CPSF6: variants seen among roughly 807,000 people sequenced by gnomAD.
The protein encoded by CPSF6 is cleavage and polyadenylation specificity factor subunit 6.
CPSF6 carries 10 observed loss-of-function variants against 56.7 expected under a neutral mutation model. That is an observed-to-expected ratio of 0.18 (90% CI 0.11 to 0.30). The LOEUF is 0.30. CPSF6 is among the 10% of genes least tolerant of loss of function. The probability of loss-of-function intolerance (pLI) is 1.00; values close to 1 mark genes in which losing one functional copy is unlikely to be tolerated. For synonymous variants in CPSF6, 248 were observed against 244.8 expected (o/e 1.01, Z -0.12); for missense variants, 419 against 722.9 (o/e 0.58, Z 4.82).
intron 2 of CPSF6, 29 bp downstream of exon 2, chr12:69,251,367 T>C: frequency 1.5e-6 from 2 of 1,359,002 alleles, no homozygotes; most frequent in Non-Finnish European, 2.1e-6. Flanking sequence ...AGAATTAAAT[T>C]ATTGGTAATT....
At chr12:69,268,929 G>A (rs1171883436) in intron 9 of CPSF6, among the ~76,000 whole-genome samples, 1 of 151,694 alleles carries the variant, frequency 6.6e-6, no homozygotes, top group African/African-American at 2.4e-5. Context: ...AGATTTGTAC[G>A]TGGATGTCAT....
intron 3 of CPSF6, chr12:69,254,860 A>T (rs182159618): frequency 6.6e-6 from 1 of 152,336 alleles, no homozygotes; most frequent in East Asian, 1.9e-4. Context: ...ACGAATTGGT[A>T]ATCATTCTGA....
intron 1 of CPSF6, among the ~76,000 whole-genome samples, chr12:69,244,163 A>C (rs1871768160): frequency 6.6e-6 from 1 of 152,214 alleles, no homozygotes; most frequent in South Asian, 2.1e-4. Context: ...ATAACAGTTT[A>C]AAATACAAAC....
intron 8 of CPSF6, among the ~76,000 whole-genome samples, chr12:69,261,137 C>G (rs1034370498): frequency 2.6e-5 from 4 of 152,070 alleles, no homozygotes; most frequent in Non-Finnish European, 5.9e-5. Context: ...TTAGTGTACT[C>G]TATCTGGTAG....
At chr12:69,241,937 AAAG>A (rs1290097821) in intron 1 of CPSF6, among the ~76,000 whole-genome samples, 2 of 152,126 alleles carry the variant, frequency 1.3e-5, no homozygotes, top group Non-Finnish European at 2.9e-5. Flanking sequence ...AAAAAAAAAA[AAAG>A]GTCACAAAAG....
chr12:69,253,195 G>C (rs1435360593), intron 3 of CPSF6, 41 bp downstream of exon 3: 1 of 1,034,652 alleles, frequency 9.7e-7, no homozygotes. Flanking sequence ...AGTAGCTAGT[G>C]ATACAGTTTT....
intron 3 of CPSF6, 120 bp downstream of exon 3, chr12:69,253,274 A>G (rs2120519850): frequency 2.0e-6 from 1 of 492,718 alleles, no homozygotes. Context: ...ACAACACATG[A>G]TTGTTTACAT....
chr12:69,260,310 G>A (rs1872690203), intron 8 of CPSF6, 113 bp downstream of exon 8: 2 of 771,698 alleles, frequency 2.6e-6, no homozygotes, highest in African/African-American at 2.2e-5. Context: ...TTATTTAGCA[G>A]CTGGAGTGGT....
chr12:69,257,447 A>G (rs1031293224), intron 4 of CPSF6, among the ~76,000 whole-genome samples: 1 of 152,236 alleles, frequency 6.6e-6, no homozygotes, highest in Non-Finnish European at 1.5e-5. Flanking sequence ...AAATTAAGAT[A>G]TCTGTTGAAG....
intron 6 of CPSF6, 72 bp downstream of exon 6, chr12:69,259,166 T>C (rs1872639567): frequency 2.0e-6 from 3 of 1,465,438 alleles, no homozygotes. Context: ...TATTAGATTG[T>C]AGGTATATAA....
chr12:69,247,564 C>T (rs1871978909), intron 1 of CPSF6, among the ~76,000 whole-genome samples: 1 of 152,010 alleles, frequency 6.6e-6, no homozygotes, highest in African/African-American at 2.4e-5. Context: ...AAAGACCCTT[C>T]ATGTAATAAA....
intron 9 of CPSF6, among the ~76,000 whole-genome samples, chr12:69,265,238 T>C (rs1458474998): frequency 6.6e-6 from 1 of 152,234 alleles, no homozygotes; most frequent in African/African-American, 2.4e-5. Flanking sequence ...AAATACGTTG[T>C]GCTTCATATT....
At position 69,266,179 on chromosome 12, in the gene CPSF6, G is replaced by GT. The variant is rs747307541; in HGVS notation, c.*4-3330dup. Among the ~76,000 whole-genome samples the GT allele has an allele frequency of 9.9e-5, 15 of 152,198 alleles. No individual in the cohort carries two copies. The East Asian group carries it at 1.4e-3, about 14-fold the overall frequency. The stretch of plus-strand genomic sequence containing the variant: ...CTGGTTATAATAAGATTTTAAAATT[G>GT]TTTCTGCAGCTCTTAGGTTATCTGA... On this transcript the variant is annotated intron_variant, in intron 9 of 9. Coordinates refer to ENST00000435070, the MANE Select transcript of CPSF6 (RefSeq NM_007007.3).
At chr12:69,249,778 A>G (rs951751641) in intron 1 of CPSF6, among the ~76,000 whole-genome samples, 7 of 152,186 alleles carry the variant, frequency 4.6e-5, no homozygotes, top group Admixed American at 1.3e-4. Context: ...TTCATTTTTC[A>G]TGTACTTAGT....
intron 2 of CPSF6, among the ~76,000 whole-genome samples, chr12:69,252,404 T>C (rs78555135): frequency 1.3e-3 from 193 of 152,284 alleles, no homozygotes; most frequent in Non-Finnish European, 2.3e-3. Context: ...ATGTAACAGA[T>C]CTCCCACCAC....
At chr12:69,247,760 T>C (rs1204791408) in intron 1 of CPSF6, among the ~76,000 whole-genome samples, 1 of 152,226 alleles carries the variant, frequency 6.6e-6, no homozygotes, top group Non-Finnish European at 1.5e-5. Flanking sequence ...CTGTATTTTT[T>C]TTTACGCTGG....
chr12:69,258,116 T>TA lies in CPSF6; in HGVS notation c.694+212dup. ...ATTCCATGGCATATGGGGCACAGCA[T>TA]AGAGGAAATACCCATTTTTGGCCTA... On this transcript the variant is annotated intron_variant, in intron 5 of 9. Coordinates refer to ENST00000435070, the MANE Select transcript of CPSF6 (RefSeq NM_007007.3). The surrounding 1 kb of genome is among the most constrained non-coding windows in gnomAD (Gnocchi z 4.2). 1 of 1,535,676 alleles carries TA rather than the reference T, an allele frequency of 6.5e-7. No individual in the cohort carries two copies. The highest frequency in any genetic ancestry group is 8.7e-7 in the Non-Finnish European group (1 of 1,146,274).
intron 1 of CPSF6, among the ~76,000 whole-genome samples, chr12:69,241,939 A>G (rs1031287596): frequency 6.0e-5 from 9 of 150,722 alleles, no homozygotes; most frequent in African/African-American, 1.7e-4. Flanking sequence ...AAAAAAAAAA[A>G]GGTCACAAAA....
intron 6 of CPSF6, 46 bp from the exon 7 acceptor site, chr12:69,259,382 G>A: frequency 6.3e-7 from 1 of 1,587,952 alleles, no homozygotes; most frequent in Non-Finnish European, 8.6e-7. Flanking sequence ...GACTAACTGA[G>A]GAAATCTGTT....
Sources: gnomAD v4.1 joint callset for allele counts (sites outside exome capture counted in the v4.1 genomes callset) on GRCh38, gnomAD v4.1.1 for gene constraint, Gnocchi (gnomAD v3.1) non-coding constraint, MANE v1.5 for transcripts, NCBI Gene and HGNC (gene_info 2026-07-23, HGNC 2026-07-21) for gene names.